The following GPHN variants were observed in gnomAD, a reference collection of about 807,000 sequenced individuals.
GPHN encodes the protein gephyrin.
Under a neutral mutation model 95.5 loss-of-function variants are expected in GPHN, and 17 were observed. The ratio of observed to expected loss-of-function variants is 0.18; its 90% confidence interval spans 0.12 to 0.27. The LOEUF (loss-of-function observed/expected upper bound fraction) is 0.27, where lower values mean the gene tolerates loss of function less well. Among genes scored for constraint, GPHN ranks in the 10% least tolerant of loss-of-function variants. The pLI, the probability that GPHN is intolerant of heterozygous loss-of-function variation, is 1.00. For synonymous variants in GPHN, 320 were observed against 322.5 expected, an observed-to-expected ratio of 0.99 and a Z score of 0.08; for missense variants, 660 against 978.1, an observed-to-expected ratio of 0.67 and a Z score of 4.34.
At chr14:67,637,944 A>C in the GPHN span, among the ~76,000 whole-genome samples, 1 of 152,188 alleles carries the variant, frequency 6.6e-6, no homozygotes, top group African/African-American at 2.4e-5. Flanking sequence ...CAGAGTCTTG[A>C]AAAGAGGAGG....
the GPHN span, chr14:67,589,772 C>T: frequency 9.4e-7 from 1 of 1,059,916 alleles, no homozygotes; most frequent in South Asian, 4.5e-5. Context: ...ACAAAGTAAA[C>T]CTGAACATGC....
At chr14:66,729,157 CT>C (rs569664663) in intron 2 of GPHN, among the ~76,000 whole-genome samples, 87 of 152,242 alleles carry the variant, frequency 5.7e-4, no homozygotes, top group African/African-American at 2.0e-3. Flanking sequence ...ATTGTGAGGC[CT>C]CCCCAGCCAC....
rs201929076 is a variant in GPHN at position 66,560,220 on chromosome 14, C to T, written c.64+51629C>T. Among the ~76,000 whole-genome samples, 111 of 152,036 alleles carry T rather than the reference C, an allele frequency of 7.3e-4. 1 individual carries two copies. The East Asian group carries it at 0.015, about 20-fold the overall frequency. On this transcript the variant is annotated intron_variant, in intron 1 of 22. Coordinates refer to ENST00000478722, the MANE Select transcript of GPHN (RefSeq NM_020806.5). ...TTGGCTTAGGATTGACTTGGCAATG[C>T]GGGCTCTTTTTTGGTTCCATATGAA...
At chr14:67,570,004 C>G in the GPHN span, 1 of 1,592,022 alleles carries the variant, frequency 6.3e-7, no homozygotes, top group African/African-American at 1.3e-5. Context: ...CTACACAGCA[C>G]TGAAGGGGGT....
the GPHN span, chr14:67,570,353 A>T: frequency 2.1e-6 from 2 of 962,310 alleles, no homozygotes; most frequent in Non-Finnish European, 2.5e-6. Context: ...ATTCCAACTT[A>T]TATTCCCGTA....
the GPHN span, among the ~76,000 whole-genome samples, chr14:67,641,364 A>G: frequency 6.6e-6 from 1 of 152,220 alleles, no homozygotes; most frequent in African/African-American, 2.4e-5. Context: ...CCTTTGGATA[A>G]TGGGTACTCA....
intron 10 of GPHN, among the ~76,000 whole-genome samples, chr14:67,038,370 T>A (rs1167288016): frequency 6.6e-6 from 1 of 152,148 alleles, no homozygotes; most frequent in Admixed American, 6.5e-5. Flanking sequence ...TAGCAATCAG[T>A]TGTACAATAA....
intron 16 of GPHN, among the ~76,000 whole-genome samples, chr14:67,118,761 G>C (rs1461780179): frequency 6.6e-6 from 1 of 152,060 alleles, no homozygotes; most frequent in Non-Finnish European, 1.5e-5. Context: ...TCCCTCCAGG[G>C]GTCGCGGGGG....
At chr14:66,699,862 A>G (rs538820376) in intron 2 of GPHN, among the ~76,000 whole-genome samples, 54 of 152,346 alleles carry the variant, frequency 3.5e-4, no homozygotes, top group Middle Eastern at 6.8e-3. Flanking sequence ...CAAAGCAACA[A>G]AAACTAAATA....
chr14:67,117,501 G>A (rs1206268678), intron 16 of GPHN, among the ~76,000 whole-genome samples: 1 of 152,080 alleles, frequency 6.6e-6, no homozygotes, highest in African/African-American at 2.4e-5. Flanking sequence ...GGGAAAAATA[G>A]CACTTAAATA....
rs375784376 is a variant in GPHN at position 67,011,834 on chromosome 14, T to TTATATATATATATA, written c.964-11786_964-11785insATATATATATATAT. ...TGTTGTGTGTATAAATACACAGATT[T>TTATATATATATATA]TATATATATATATGATCACTTCTGT... On this transcript the variant is annotated intron_variant, in intron 9 of 22. Transcript: ENST00000478722. Among the ~76,000 whole-genome samples the TTATATATATATATA allele has an allele frequency of 2.7e-3, 406 of 148,068 alleles. 3 individuals are homozygous for TTATATATATATATA. Among genetic ancestry groups the TTATATATATATATA allele is most frequent in the African/African-American group, 6.9e-3 (282 of 41,092 alleles).
At position 67,165,147 on chromosome 14, in the gene GPHN, CT is replaced by C; in HGVS notation, c.1911-8del. On this transcript the variant is annotated splice_polypyrimidine_tract_variant and intron_variant, in intron 19 of 22. Transcript: ENST00000478722. Reference sequence around the variant, plus strand: ...GCTTAGCAATCACTAACAAGTGACTCTTTTTTTCTTCTAGCTTGCCAACAAC... The same window carrying C: ...GCTTAGCAATCACTAACAAGTGACTCTTTTTTCTTCTAGCTTGCCAACAAC... The C allele has an allele frequency of 3.8e-6, 6 of 1,591,362 alleles. No individual in the cohort carries two copies. Among genetic ancestry groups the C allele is most frequent in the Admixed American group, 1.7e-5 (1 of 59,982 alleles).
chr14:67,259,392 C>G, the GPHN span, among the ~76,000 whole-genome samples: 1 of 151,954 alleles, frequency 6.6e-6, no homozygotes, highest in African/African-American at 2.4e-5. Context: ...AGGCGGATCA[C>G]TTGAGGTTAG....
At chr14:67,459,392 T>TA in the GPHN span, among the ~76,000 whole-genome samples, 1 of 152,216 alleles carries the variant, frequency 6.6e-6, no homozygotes, top group Non-Finnish European at 1.5e-5. Context: ...CAAAACCTGA[T>TA]GAATCAGGGA....
In GPHN at chr14:66,775,369, T is replaced by G. The variant is rs1052695790; in HGVS notation, c.144-1095T>G. 5.9e-5 allele frequency among the ~76,000 whole-genome samples: 9 copies of G among 152,238 alleles called. No individual in the cohort carries two copies. The South Asian group carries it at 1.2e-3, about 21-fold the overall frequency. On this transcript the variant is annotated intron_variant, in intron 2 of 22. Coordinates refer to ENST00000478722, the MANE Select transcript of GPHN (RefSeq NM_020806.5). ...CAAAGGCAGTTAGGTAATTTGGAGT[T>G]TAATAGCCTAGAGTACCTGATAGAG...
At chr14:66,927,762 C>T (rs967242260) in intron 8 of GPHN, among the ~76,000 whole-genome samples, 12 of 151,898 alleles carry the variant, frequency 7.9e-5, no homozygotes, top group Admixed American at 4.6e-4. Flanking sequence ...AATTGAATTT[C>T]GTCAAATGCT....
the GPHN span, among the ~76,000 whole-genome samples, chr14:67,668,432 G>A: frequency 6.6e-6 from 1 of 152,180 alleles, no homozygotes; most frequent in Admixed American, 6.5e-5. Flanking sequence ...TCATTCAAAG[G>A]CAGAAAGTGA....
intron 1 of GPHN, among the ~76,000 whole-genome samples, chr14:66,559,817 G>A (rs2060156583): frequency 6.6e-6 from 1 of 152,078 alleles, no homozygotes; most frequent in East Asian, 1.9e-4. Context: ...CCTTGCCCAT[G>A]TCTGTGTCCT....
intron 1 of GPHN, among the ~76,000 whole-genome samples, chr14:66,531,520 A>G (rs528723778): frequency 2.6e-5 from 4 of 152,364 alleles, no homozygotes; most frequent in Non-Finnish European, 4.4e-5. Context: ...GGAGTAGGTC[A>G]TATAATACAT....
Sources: gnomAD v4.1 joint callset for allele counts (sites outside exome capture counted in the v4.1 genomes callset) on GRCh38, gnomAD v4.1.1 for gene constraint, MANE v1.5 for transcripts, NCBI Gene and HGNC (gene_info 2026-07-23, HGNC 2026-07-21) for gene names.